The following FSTL5 variants were observed in gnomAD, a reference collection of about 807,000 sequenced individuals.
The protein encoded by FSTL5 is follistatin like 5.
Under a neutral mutation model 89.1 loss-of-function variants are expected in FSTL5, and 62 were observed. The observed-to-expected ratio is 0.70, with a 90% CI of 0.57 to 0.86. FSTL5 has a LOEUF of 0.86. Ranked by LOEUF, FSTL5 falls within the 40% of genes least tolerant of loss-of-function variation. The pLI is 0.00. For synonymous variants in FSTL5, 383 were observed against 346.2 expected, an observed-to-expected ratio of 1.11 and a Z score of -1.18; for missense variants, 1,057 against 1,001.6, an observed-to-expected ratio of 1.06 and a Z score of -0.75.
At chr4:161,601,640 G>C (rs1318271137) in intron 7 of FSTL5, among the ~76,000 whole-genome samples, 1 of 152,096 alleles carries the variant, frequency 6.6e-6, no homozygotes, top group Non-Finnish European at 1.5e-5. Context: ...AAGAGCATAA[G>C]AAACAACTTC....
At chr4:161,627,727 T>C (rs192505731) in intron 7 of FSTL5, among the ~76,000 whole-genome samples, 2 of 152,292 alleles carry the variant, frequency 1.3e-5, no homozygotes, top group East Asian at 1.9e-4. Context: ...TAATTTCCCA[T>C]ATGACAATTT....
intron 15 of FSTL5, among the ~76,000 whole-genome samples, chr4:161,437,204 G>A (rs543638791): frequency 6.6e-6 from 1 of 152,244 alleles, no homozygotes; most frequent in African/African-American, 2.4e-5. Context: ...CAGTTTGGTG[G>A]AAGGAGAGAT....
At chr4:161,859,463 C>T (rs1414454389) in intron 4 of FSTL5, among the ~76,000 whole-genome samples, 2 of 152,104 alleles carry the variant, frequency 1.3e-5, no homozygotes, top group Non-Finnish European at 2.9e-5. Context: ...ACTAAAAGCT[C>T]TCTGAAACAT....
intron 6 of FSTL5, among the ~76,000 whole-genome samples, chr4:161,725,779 A>T (rs1004226852): frequency 1.4e-4 from 21 of 152,326 alleles, no homozygotes; most frequent in Admixed American, 9.8e-4. Context: ...TGGCCTAAAA[A>T]TCCCATATAT....
intron 2 of FSTL5, among the ~76,000 whole-genome samples, chr4:162,045,623 A>G (rs1738141404): frequency 6.6e-6 from 1 of 152,208 alleles, no homozygotes; most frequent in South Asian, 2.1e-4. Flanking sequence ...ACAGTGATAT[A>G]AAATAAGCAC....
intron 3 of FSTL5, among the ~76,000 whole-genome samples, chr4:161,945,378 T>C (rs1400942308): frequency 2.6e-5 from 4 of 152,312 alleles, no homozygotes; most frequent in East Asian, 3.9e-4. Flanking sequence ...GGATTTGACA[T>C]GTTATCATAG....
chr4:161,675,065 AAAGCAGG>A (rs1195599694), intron 6 of FSTL5, among the ~76,000 whole-genome samples: 2 of 152,304 alleles, frequency 1.3e-5, no homozygotes, highest in South Asian at 4.1e-4. Flanking sequence ...GAATATAGAT[AAAGCAGG>A]ATAGTTTATA....
intron 6 of FSTL5, among the ~76,000 whole-genome samples, chr4:161,684,315 TG>T (rs1333157717): frequency 6.6e-6 from 1 of 152,194 alleles, no homozygotes; most frequent in Non-Finnish European, 1.5e-5. Flanking sequence ...CTGGATCAAA[TG>T]GTAGTTCTAC....
chr4:161,846,251 T>C (rs544871371), intron 4 of FSTL5, among the ~76,000 whole-genome samples: 2 of 152,270 alleles, frequency 1.3e-5, no homozygotes, highest in East Asian at 3.9e-4. Flanking sequence ...TTTATATACA[T>C]ATTTGTATTT....
intron 7 of FSTL5, among the ~76,000 whole-genome samples, chr4:161,600,288 G>A (rs1734185380): frequency 6.6e-6 from 1 of 151,140 alleles, no homozygotes; most frequent in South Asian, 2.1e-4. Context: ...GTAAAAATAC[G>A]AAGAGCAGCA....
intron 3 of FSTL5, among the ~76,000 whole-genome samples, chr4:161,936,908 G>A (rs1734449869): frequency 6.6e-6 from 1 of 152,094 alleles, no homozygotes; most frequent in Admixed American, 6.6e-5. Flanking sequence ...ATGTAAAATT[G>A]GGAGTTCCCT....
intron 7 of FSTL5, among the ~76,000 whole-genome samples, chr4:161,627,276 C>T (rs1735345815): frequency 6.6e-6 from 1 of 152,176 alleles, no homozygotes; most frequent in Non-Finnish European, 1.5e-5. Flanking sequence ...CAGCCATCAA[C>T]ACTGAGGCAA....
intron 6 of FSTL5, among the ~76,000 whole-genome samples, chr4:161,658,666 C>A (rs546042160): frequency 6.6e-6 from 1 of 152,192 alleles, no homozygotes; most frequent in Non-Finnish European, 1.5e-5. Flanking sequence ...TAATTCGAAA[C>A]ACTAAAAGTT....
intron 5 of FSTL5, among the ~76,000 whole-genome samples, chr4:161,771,004 TTA>T (rs1321237909): frequency 6.6e-6 from 1 of 152,066 alleles, no homozygotes; most frequent in Non-Finnish European, 1.5e-5. Context: ...GTGCTATCGT[TTA>T]TTTTTCTAAT....
chr4:161,861,251 C>T (rs1010277295), intron 4 of FSTL5, among the ~76,000 whole-genome samples: 3 of 151,978 alleles, frequency 2.0e-5, no homozygotes, highest in Non-Finnish European at 4.4e-5. Context: ...GGTGAAACCC[C>T]GTATCTACTA....
chr4:162,005,843 C>T (rs578104266), intron 3 of FSTL5, among the ~76,000 whole-genome samples: 1 of 152,194 alleles, frequency 6.6e-6, no homozygotes, highest in South Asian at 2.1e-4. Context: ...AAGGAAATAA[C>T]TCTAGTAAGT....
intron 4 of FSTL5, among the ~76,000 whole-genome samples, chr4:161,887,141 A>G (rs535327246): frequency 9.2e-5 from 14 of 152,270 alleles, no homozygotes; most frequent in Admixed American, 2.6e-4. Flanking sequence ...ATTTTAAACT[A>G]AATTAATGTT....
At chr4:161,641,330 T>TA (rs1735950255) in intron 7 of FSTL5, among the ~76,000 whole-genome samples, 1 of 152,156 alleles carries the variant, frequency 6.6e-6, no homozygotes, top group African/African-American at 2.4e-5. Flanking sequence ...CCATATAACT[T>TA]ACGGAAACTA....
At chr4:161,967,108 A>G (rs1311426876) in intron 3 of FSTL5, among the ~76,000 whole-genome samples, 2 of 151,998 alleles carry the variant, frequency 1.3e-5, no homozygotes, top group Non-Finnish European at 2.9e-5. Context: ...TCATAAAAAT[A>G]AAATTTTACA....
Sources: gnomAD v4.1 joint callset for allele counts (sites outside exome capture counted in the v4.1 genomes callset) on GRCh38, gnomAD v4.1.1 for gene constraint, MANE v1.5 for transcripts, NCBI Gene and HGNC (gene_info 2026-07-23, HGNC 2026-07-21) for gene names.